WWP2: variants seen among roughly 807,000 people sequenced by gnomAD.
The protein encoded by WWP2 is WW domain containing E3 ubiquitin protein ligase 2.
In WWP2, 57 loss-of-function variants were observed where a neutral mutation model predicts 121.0. The ratio of observed to expected loss-of-function variants is 0.47; its 90% CI spans 0.38 to 0.59. WWP2 has a LOEUF of 0.59. WWP2 is among the 20% of genes least tolerant of loss of function. The pLI is 0.00. For missense variants in WWP2, 962 were observed against 1,158.9 expected, an observed-to-expected ratio of 0.83 and a Z score of 2.47; for synonymous variants, 449 against 441.3, an observed-to-expected ratio of 1.02 and a Z score of -0.22.
At chr16:69,847,804 C>G (rs941958322) in intron 6 of WWP2, among the ~76,000 whole-genome samples, 4 of 152,122 alleles carry the variant, frequency 2.6e-5, no homozygotes, top group Non-Finnish European at 4.4e-5. Context: ...GGATCCACCC[C>G]CATGACCTAA....
intron 4 of WWP2, among the ~76,000 whole-genome samples, chr16:69,813,006 T>C (rs890289723): frequency 6.6e-6 from 1 of 152,196 alleles, no homozygotes; most frequent in African/African-American, 2.4e-5. Context: ...ATTTTTATTT[T>C]TGAATTCCAT....
intron 7 of WWP2, among the ~76,000 whole-genome samples, chr16:69,887,663 C>T (rs867844074): frequency 6.6e-6 from 1 of 152,190 alleles, no homozygotes; most frequent in Non-Finnish European, 1.5e-5. Context: ...GCCTCAGCCT[C>T]CCAAAGTGCT....
At chr16:69,775,031 T>C (rs983305674) in intron 1 of WWP2, 2 of 151,872 alleles carry the variant, frequency 1.3e-5, no homozygotes, top group African/African-American at 4.8e-5. Context: ...TCATATAAAT[T>C]TACGTGACTA....
In WWP2 at chr16:69,939,910, T is replaced by A. The variant is rs1159674611; in HGVS notation, c.2583T>A (p.Ile861=). The A allele has an allele frequency of 4.3e-6, 7 of 1,613,786 alleles. No individual in the cohort carries two copies. The highest frequency in any genetic ancestry group is 1.1e-5 in the South Asian group (1 of 91,076). Residue 861 remains isoleucine (I), a synonymous_variant, in exon 24 of 24, where the codon ATT becomes ATA. Transcript: ENST00000359154. ...EQLREKLLYA[I]EETEGFGQE ...TGAGAGAGAAGCTGCTGTATGCCAT[T>A]GAGGAGACCGAGGGCTTTGGACAGG...
intron 6 of WWP2, among the ~76,000 whole-genome samples, chr16:69,847,245 CG>C (rs2057099618): frequency 6.6e-6 from 1 of 151,432 alleles, no homozygotes; most frequent in Non-Finnish European, 1.5e-5. Context: ...CCACCATGCC[CG>C]ACTAATTTTT....
At position 69,878,939 on chromosome 16, in the gene WWP2, A is replaced by G. The variant is rs181238083; in HGVS notation, c.703+7008A>G. ...AATCATATATCCAAAGTAGTATAAA[A>G]TATTCATAAAGTGGTATATGAGGTT... On this transcript the variant is annotated intron_variant, in intron 7 of 23. Transcript: ENST00000359154. 1.4e-4 allele frequency among the ~76,000 whole-genome samples: 22 copies of G among 152,344 alleles called. No individual in the cohort carries two copies. In the East Asian group the frequency reaches 4.0e-3, roughly 28 times the overall value.
At chr16:69,924,980 G>C in intron 10 of WWP2, 1 of 989,084 alleles carries the variant, frequency 1.0e-6, no homozygotes, top group Non-Finnish European at 1.2e-6. Flanking sequence ...AAAGGCCTGC[G>C]ATATTTTTTC....
chr16:69,936,875 C>T (rs1418903214), intron 19 of WWP2: 5 of 517,670 alleles, frequency 9.7e-6, no homozygotes, highest in Admixed American at 6.8e-5. Context: ...GAGGTTCAGT[C>T]GGCGCTGGGG....
rs1000322710 is a variant in WWP2 at position 69,925,104 on chromosome 16, T to C, written c.1180-326T>C. 140 of 1,081,862 alleles carry C rather than the reference T, an allele frequency of 1.3e-4. No individual in the cohort carries two copies. The highest frequency in any genetic ancestry group is 4.1e-4 in the Middle Eastern group (1 of 2,440). The allele number at this position is 1,081,862 out of a possible 1,614,324, so 67.0% of individuals were successfully genotyped here. On this transcript the variant is annotated intron_variant, in intron 10 of 23. Transcript: ENST00000359154. This position sits in a 1 kb window ranked among gnomAD's most constrained non-coding sequence, Gnocchi z 4.0. The stretch of plus-strand genomic sequence containing the variant: ...CTGGGCCGAGCCTGCTTCCCGGGCC[T>C]TCCTACCATGCCAGGGCTGCTCCCT...
chr16:69,835,040 T>C (rs1259884584), intron 4 of WWP2, among the ~76,000 whole-genome samples: 2 of 152,204 alleles, frequency 1.3e-5, no homozygotes, highest in East Asian at 3.8e-4. Flanking sequence ...CAGGGCTTGA[T>C]GAGCTTGAGG....
At chr16:69,908,529 G>C (rs555780855) in intron 8 of WWP2, among the ~76,000 whole-genome samples, 1 of 152,322 alleles carries the variant, frequency 6.6e-6, no homozygotes, top group Non-Finnish European at 1.5e-5. Context: ...ATCTATAGTG[G>C]ATCCTGGTCC....
Position 69,864,713 on chromosome 16 carries a change from C to A in WWP2, c.576-7091C>A, listed in dbSNP as rs181709232. On this transcript the variant is annotated intron_variant, in intron 6 of 23. Coordinates refer to ENST00000359154, the MANE Select transcript of WWP2 (RefSeq NM_001270454.2). Reference sequence around the variant, plus strand: ...TACAGGCGCCAGCCACTATGCCTGACGAATTTTTGCATTTTTTTTTTTTTT... The same window carrying A: ...TACAGGCGCCAGCCACTATGCCTGAAGAATTTTTGCATTTTTTTTTTTTTT... 2.0e-5 allele frequency among the ~76,000 whole-genome samples: 3 copies of A among 146,934 alleles called. No individual in the cohort carries two copies. In the South Asian group the frequency reaches 6.5e-4, roughly 32 times the overall value.
intron 8 of WWP2, among the ~76,000 whole-genome samples, chr16:69,890,563 A>G (rs747654649): frequency 1.3e-5 from 2 of 152,318 alleles, no homozygotes; most frequent in South Asian, 2.1e-4. Context: ...ATGCAGAATC[A>G]TGTTGGCAGA....
intron 2 of WWP2, among the ~76,000 whole-genome samples, chr16:69,795,655 T>TTG (rs1289911615): frequency 7.8e-6 from 1 of 128,660 alleles, no homozygotes; most frequent in African/African-American, 3.0e-5. Context: ...GGAGGTTTTT[T>TTG]TTTTTTTTTT....
At chr16:69,812,454 C>T (rs1233290859) in intron 4 of WWP2, among the ~76,000 whole-genome samples, 5 of 148,902 alleles carry the variant, frequency 3.4e-5, no homozygotes, top group African/African-American at 7.5e-5. Context: ...CATGAGACAC[C>T]GCGCCTGCCC....
rs747018644 is a variant in WWP2, at chr16:69,939,090, C to T, written c.2407C>T (p.Arg803Cys). 8 of 1,606,100 alleles carry T rather than the reference C, an allele frequency of 5.0e-6. No individual in the cohort carries two copies. Among genetic ancestry groups the T allele is most frequent in the East Asian group, 4.5e-5 (2 of 44,624 alleles). ...GCTGCAGTTTGTCACCGGTACCTGC[C>T]GCCTGCCCGTCGGGGGATTTGCCGA... ...RLLQFVTGTC[R>C]LPVGGFAELI... Residue 803 changes from arginine to cysteine, a missense_variant, in exon 22 of 24, where the codon CGC becomes TGC. Arg to Cys is a radical substitution (Grantham distance 180). Coordinates refer to ENST00000359154, the MANE Select transcript of WWP2 (RefSeq NM_001270454.2).
chr16:69,828,228 C>G (rs1324607275), intron 4 of WWP2, among the ~76,000 whole-genome samples: 2 of 152,066 alleles, frequency 1.3e-5, no homozygotes, highest in Non-Finnish European at 2.9e-5. Flanking sequence ...CTTTCTTTCC[C>G]TCCTCCTAAG....
At chr16:69,870,344 A>G (rs1027556601) in intron 6 of WWP2, among the ~76,000 whole-genome samples, 2 of 141,768 alleles carry the variant, frequency 1.4e-5, no homozygotes, top group Admixed American at 7.4e-5. Context: ...TCTGTCACCC[A>G]GGCTGGAATA....
At chr16:69,909,500 A>T (rs1381225171) in intron 9 of WWP2, 89 of 985,340 alleles carry the variant, frequency 9.0e-5, no homozygotes, top group Non-Finnish European at 1.0e-4. Context: ...TGCCACACAC[A>T]TCCCACCTCA....
Sources: gnomAD v4.1 joint callset for allele counts (sites outside exome capture counted in the v4.1 genomes callset) on GRCh38, gnomAD v4.1.1 for gene constraint, Gnocchi (gnomAD v3.1) non-coding constraint, MANE v1.5 for transcripts, NCBI Gene and HGNC (gene_info 2026-07-23, HGNC 2026-07-21) for gene names.